MUC6: variants seen among roughly 807,000 people sequenced by gnomAD.
The protein encoded by MUC6 is mucin 6, oligomeric mucus/gel-forming (gene/pseudogene).
Under a neutral mutation model 201.5 loss-of-function variants are expected in MUC6, and 188 were observed. The observed-to-expected ratio is 0.93, with a 90% confidence interval of 0.83 to 1.05. The LOEUF is 1.05. MUC6 is among the 50% of genes least tolerant of loss of function. The probability of loss-of-function intolerance (pLI) is 0.00; values close to 1 mark genes in which losing one functional copy is unlikely to be tolerated. For missense variants in MUC6, 2,706 were observed against 3,256.9 expected (o/e 0.83, Z 4.12); for synonymous variants, 1,228 against 1,389.4 (o/e 0.88, Z 2.58).
At chr11:1,026,619 G>C in intron 19 of MUC6, 141 bp from the exon 20 acceptor site, 1 of 1,137,014 alleles carries the variant, frequency 8.8e-7, no homozygotes, top group South Asian at 1.7e-5. Flanking sequence ...TTTGTGGGCA[G>C]CTGGGCTTAC....
In MUC6 at chr11:1,016,721, G is replaced by C. The variant is rs781233075; in HGVS notation, c.6080C>G (p.Thr2027Ser). 1.3e-6 allele frequency: 2 copies of C among 1,598,540 alleles called. No individual in the cohort carries two copies. The highest frequency in any genetic ancestry group is 1.7e-6 in the Non-Finnish European group (2 of 1,170,612). The change falls in exon 31 of 33, where the codon ACT becomes AGT. Residue 2027 changes from threonine (T) to serine (S), a missense_variant. Transcript: ENST00000421673. ...VTPSTHTVII[T>S]THTQMATSAS... ...AGAAGTGGCCATCTGTGTGTGGGTA[G>C]TGATGATGACTGTGTGAGTACTTGG... is the stretch of plus-strand genomic sequence containing the variant.
At position 1,024,842 on chromosome 11, in the gene MUC6, A is replaced by T; in HGVS notation, c.3225+2T>A. On this transcript the variant is annotated splice_donor_variant, in intron 24 of 32. Coordinates refer to ENST00000421673, the MANE Select transcript of MUC6 (RefSeq NM_005961.3). LOFTEE classifies it high-confidence loss of function. ...CGCACAGCCCTCGTGCCCGGTGCCC[A>T]CCTTGCTGTGGCAGGTGGCAAAGGT... 6.2e-7 allele frequency: 1 copy of T among 1,604,968 alleles called. No individual in the cohort carries two copies. The highest frequency in any genetic ancestry group is 8.5e-7 in the Non-Finnish European group (1 of 1,174,732).
chr11:1,030,054 C>T (rs961170201), intron 8 of MUC6, among the ~76,000 whole-genome samples, 159 bp downstream of exon 8: 4 of 142,090 alleles, frequency 2.8e-5, no homozygotes, highest in Admixed American at 1.4e-4. Context: ...AGCGTCCAGG[C>T]GGGAAAAGCC....
In MUC6 at chr11:1,033,420, G is replaced by A. The variant is rs866634592; in HGVS notation, c.53-345C>T. 3.3e-5 allele frequency among the ~76,000 whole-genome samples: 5 copies of A among 152,126 alleles called. No individual in the cohort carries two copies. The highest frequency in any genetic ancestry group is 7.2e-5 in the African/African-American group (3 of 41,426). The stretch of plus-strand genomic sequence containing the variant: ...GGGTGGGGCTAGGAGGGGCTGGTGC[G>A]GGTGGCAGGGGCTTGGCGGCGGAGC... On this transcript the variant is annotated intron_variant, in intron 1 of 32. Transcript: ENST00000421673. This position sits in a 1 kb window ranked among gnomAD's most constrained non-coding sequence, Gnocchi z 5.6.
At chr11:1,024,797 G>A (rs1246990118) in intron 24 of MUC6, 47 bp downstream of exon 24, 3 of 1,587,386 alleles carry the variant, frequency 1.9e-6, no homozygotes, top group Non-Finnish European at 8.6e-7. Context: ...GCCCCCACCG[G>A]ACATTTGTGG....
At position 1,027,366 on chromosome 11, in the gene MUC6, T is replaced by C; in HGVS notation, c.2133A>G (p.Gln711=). 1.2e-6 allele frequency: 2 copies of C among 1,612,886 alleles called. No individual in the cohort carries two copies. Among genetic ancestry groups the C allele is most frequent in the Non-Finnish European group, 1.7e-6 (2 of 1,179,810 alleles). The change falls in exon 17 of 33, where the codon CAA becomes CAG. Residue 711 remains glutamine, a synonymous_variant. Coordinates refer to ENST00000421673, the MANE Select transcript of MUC6 (RefSeq NM_005961.3). ...CNCPDGTYLN[Q]KGECVRKAQC... ...GGGCCTTGCGCACACACTCGCCCTT[T>C]TGGTTCAGGTAGGTGCCATCGGGGC... is the stretch of plus-strand genomic sequence containing the variant.
In MUC6 at chr11:1,016,386, A is replaced by C. The variant is rs201510514; in HGVS notation, c.6415T>G (p.Ser2139Ala). ...GAGGGCACATAAGAAGAAACAGTAG[A>C]GGGGGCAGAAGGACTGGGAGAAAAT... is the stretch of plus-strand genomic sequence containing the variant. ...SSFSPSPSAP[S>A]TVSSYVPSSH... is the part of the protein sequence containing the mutation. The change falls in exon 31 of 33, where the codon TCT (serine) becomes GCT (alanine). Residue 2139 changes from serine (S) to alanine (A), a missense_variant. Around this residue, in one of 10 missense-constraint regions of MUC6, gnomAD observed 586 missense variants for 488.0 expected, o/e 1.20. Transcript: ENST00000421673. The C allele has an allele frequency of 2.6e-4, 427 of 1,612,850 alleles. No homozygotes were observed. The highest frequency in any genetic ancestry group is 3.2e-4 in the South Asian group (29 of 90,996).
At position 1,016,436 on chromosome 11, in the gene MUC6, G is replaced by C. The variant is rs369196089; in HGVS notation, c.6365C>G (p.Ser2122Cys). 1.1e-5 allele frequency: 17 copies of C among 1,613,908 alleles called. No homozygotes were observed. The highest frequency in any genetic ancestry group is 1.4e-5 in the Non-Finnish European group (16 of 1,179,862). ...TGAGGAGGACAGCTGATTAGTTGTG[G>C]AAACAGGAGTGGTTGCAGAACTCAA... is the stretch of plus-strand genomic sequence containing the variant. The part of the protein sequence containing the change: ...PHLSSATTPV[S>C]TTNQLSSSFS... The change falls in exon 31 of 33, where the codon TCC becomes TGC. Residue 2122 changes from serine (S) to cysteine (C), a missense_variant. Physicochemically the swap from Ser to Cys is moderately radical, Grantham distance 112 (BLOSUM62 -1). Transcript: ENST00000421673.
At chr11:1,029,792 C>T (rs1330960871) in intron 8 of MUC6, among the ~76,000 whole-genome samples, 177 bp from the exon 9 acceptor site, 1 of 152,140 alleles carries the variant, frequency 6.6e-6, no homozygotes, top group Non-Finnish European at 1.5e-5. Context: ...CTAGCCTGGG[C>T]CATGACCTCT....
rs375035231 is a variant in MUC6 at position 1,024,005 on chromosome 11, G to A, written c.3324C>T (p.Tyr1108=). Residue 1108 remains tyrosine (Y), a synonymous_variant, in exon 25 of 33, where the codon TAC becomes TAT. Coordinates refer to ENST00000421673, the MANE Select transcript of MUC6 (RefSeq NM_005961.3). ...CACCCTTGTCCAGACAGGCTTGGGC[G>A]TAGGCAGCCACGGCATCGCACAGAC... The part of the protein sequence containing the change: ...CECLCDAVAA[Y]AQACLDKGVC... 2.3e-5 allele frequency: 37 copies of A among 1,612,062 alleles called. No individual in the cohort carries two copies. The highest frequency in any genetic ancestry group is 6.7e-5 in the Admixed American group (4 of 59,904).
intron 28 of MUC6, 135 bp downstream of exon 28, chr11:1,020,549 C>T: frequency 7.5e-7 from 1 of 1,333,818 alleles, no homozygotes; most frequent in Non-Finnish European, 1.1e-6. Flanking sequence ...ACTCTGATTG[C>T]CAGGTTAGAC....
intron 12 of MUC6, 46 bp downstream of exon 12, chr11:1,028,843 C>T (rs1857029406): frequency 1.2e-6 from 2 of 1,609,860 alleles, no homozygotes; most frequent in South Asian, 2.2e-5. Flanking sequence ...TGCAGCCCGC[C>T]CCGAAGGCAC....
Position 1,036,592 on chromosome 11 carries a change from G to T in MUC6, c.52+12C>A. The T allele has an allele frequency of 5.2e-6, 8 of 1,548,868 alleles. No homozygotes were observed. Among genetic ancestry groups the T allele is most frequent in the Non-Finnish European group, 6.1e-6 (7 of 1,146,368 alleles). On this transcript the variant is annotated intron_variant, in intron 1 of 32. Coordinates refer to ENST00000421673, the MANE Select transcript of MUC6 (RefSeq NM_005961.3). Reference sequence around the variant, plus strand: ...GGCACCGCAGTGTCTGGCGCCCCTCGACCTCACTCACCAGCGCTGAGCAGG... The same window carrying T: ...GGCACCGCAGTGTCTGGCGCCCCTCTACCTCACTCACCAGCGCTGAGCAGG...
chr11:1,027,907 C>A lies in MUC6; in HGVS notation c.1848+58G>T, dbSNP rs969425783. On this transcript the variant is annotated intron_variant, in intron 15 of 32. Transcript: ENST00000421673. ...AACCTATGCCCTTGGGTGCCTGAGA[C>A]CTTGTCAGCCACCACAGCCTCCCCT... 4 of 1,563,048 alleles carry A rather than the reference C, an allele frequency of 2.6e-6. No individual in the cohort carries two copies. In the African/African-American group the frequency reaches 5.4e-5, roughly 21 times the overall value.
rs1564846247 is a variant in MUC6 at position 1,033,114 on chromosome 11, C to CGACTGAGGGCCTCA, written c.53-40_53-39insTGAGGCCCTCAGTC. The stretch of plus-strand genomic sequence containing the variant: ...ACCCGCAGTCGGTGTGGGGCTACCC[C>CGACTGAGGGCCTCA]GTCGTCCCTGAGGGCGCCGCTCACC... On this transcript the variant is annotated intron_variant, in intron 1 of 32. Coordinates refer to ENST00000421673, the MANE Select transcript of MUC6 (RefSeq NM_005961.3). The surrounding 1 kb of genome is among the most constrained non-coding windows in gnomAD (Gnocchi z 5.6). 1 of 1,604,466 alleles carries CGACTGAGGGCCTCA rather than the reference C, an allele frequency of 6.2e-7. No individual in the cohort carries two copies. Among genetic ancestry groups the CGACTGAGGGCCTCA allele is most frequent in the East Asian group, 2.2e-5 (1 of 44,834 alleles).
In MUC6 at chr11:1,018,248, G is replaced by T. The variant is rs1294426710; in HGVS notation, c.4553C>A (p.Thr1518Lys). The T allele has an allele frequency of 6.5e-7, 1 of 1,537,932 alleles. No individual in the cohort carries two copies. Among genetic ancestry groups the T allele is most frequent in the Non-Finnish European group, 8.7e-7 (1 of 1,144,996 alleles). Residue 1518 changes from threonine (T) to lysine (K), a missense_variant, in exon 31 of 33, where the codon ACA becomes AAA. Transcript: ENST00000421673. ...ATGTAGCGAGGTAGGTGTTTTGTTT[G>T]TGCTGAATGAGCTGTGGGCTTGGCT... ...GTSQAHSSFS[T>K]NKTPTSLHSH...
At chr11:1,015,667 C>T in intron 31 of MUC6, 95 bp downstream of exon 31, 1 of 1,476,000 alleles carries the variant, frequency 6.8e-7, no homozygotes, top group South Asian at 1.5e-5. Context: ...GTCCTGGGAT[C>T]ACAGGACCAT....
intron 24 of MUC6, among the ~76,000 whole-genome samples, 161 bp from the exon 25 acceptor site, chr11:1,024,264 C>T (rs1045797953): frequency 2.0e-5 from 3 of 152,182 alleles, no homozygotes; most frequent in African/African-American, 7.2e-5. Flanking sequence ...TGACCGCTAG[C>T]CACGCTCCCG....
At position 1,030,616 on chromosome 11, in the gene MUC6, C is replaced by A; in HGVS notation, c.849G>T (p.Met283Ile). 1 of 1,535,334 alleles carries A rather than the reference C, an allele frequency of 6.5e-7. No individual in the cohort carries two copies. Among genetic ancestry groups the A allele is most frequent in the Non-Finnish European group, 8.8e-7 (1 of 1,140,656 alleles). Residue 283 changes from methionine to isoleucine, a missense_variant, in exon 7 of 33, where the codon ATG becomes ATT. By Grantham distance (10) the Met-to-Ile change is conservative. Coordinates refer to ENST00000421673, the MANE Select transcript of MUC6 (RefSeq NM_005961.3). ...GCCAGCGGCGGACCGGCTGGCCCAC[C>A]ATGCTGCACTGGCGGGAGTACTCCG... ...TLSEYSRQCSMVGQPVRRWRS... is the reference protein window; with the variant it reads ...TLSEYSRQCSIVGQPVRRWRS...
Sources: allele counts gnomAD v4.1 joint callset (sites outside exome capture counted in the v4.1 genomes callset), GRCh38; gene constraint gnomAD v4.1.1; regional missense constraint gnomAD v4.1.1; non-coding constraint Gnocchi (gnomAD v3.1); transcripts MANE v1.5; gene names NCBI Gene and HGNC (gene_info 2026-07-23, HGNC 2026-07-21).